The following RFX8 variants were observed in gnomAD, a reference collection of about 807,000 sequenced individuals.
RFX8 encodes DNA-binding protein RFX8.
RFX8 carries 46 observed loss-of-function variants against 54.6 expected under a neutral mutation model. The observed-to-expected ratio is 0.84, with a 90% CI of 0.67 to 1.08. The LOEUF is 1.08. Ranked by LOEUF, RFX8 falls within the 50% of genes least tolerant of loss-of-function variation. The pLI, the probability that RFX8 is intolerant of heterozygous loss-of-function variation, is 0.00. For missense variants in RFX8, 536 were observed against 562.3 expected, an observed-to-expected ratio of 0.95 and a Z score of 0.47; for synonymous variants, 192 against 209.5, an observed-to-expected ratio of 0.92 and a Z score of 0.72.
chr2:101,412,539 A>G (rs1686198740), intron 8 of RFX8, among the ~76,000 whole-genome samples: 1 of 152,204 alleles, frequency 6.6e-6, no homozygotes, highest in African/African-American at 2.4e-5. Flanking sequence ...GCAGTTTAGC[A>G]TGATTGAGGA....
chr2:101,474,438 C>G (rs1251819874), intron 1 of RFX8, 198 bp downstream of exon 1: 2 of 363,824 alleles, frequency 5.5e-6, no homozygotes, highest in Non-Finnish European at 9.8e-6. Flanking sequence ...CCTCCAGGCC[C>G]GAGCCCGGGG....
chr2:101,473,440 CA>C (rs1690122533), intron 1 of RFX8, among the ~76,000 whole-genome samples: 1 of 152,018 alleles, frequency 6.6e-6, no homozygotes, highest in African/African-American at 2.4e-5. Flanking sequence ...TAAGACATGT[CA>C]AAAATGTTCT....
chr2:101,397,819 G>T, intron 11 of RFX8, 95 bp from the exon 12 acceptor site: 1 of 1,042,018 alleles, frequency 9.6e-7, no homozygotes. Flanking sequence ...TACCAAGCCC[G>T]TGCTCCCACC....
intron 2 of RFX8, chr2:101,434,799 G>C (rs1266522278): frequency 6.6e-6 from 1 of 152,220 alleles, no homozygotes; most frequent in Non-Finnish European, 1.5e-5. Flanking sequence ...GGGTGGACAA[G>C]GCCAAAAAGC....
chr2:101,417,827 G>A (rs755023349), intron 5 of RFX8, 143 bp from the exon 6 acceptor site: 53 of 529,900 alleles, frequency 1.0e-4, no homozygotes, highest in South Asian at 1.8e-4. Flanking sequence ...ACCATGCAAC[G>A]TGGCCACTGC....
At chr2:101,466,723 G>A (rs1689592023) in intron 2 of RFX8, 54 bp downstream of exon 2, 7 of 1,254,988 alleles carry the variant, frequency 5.6e-6, no homozygotes, top group Middle Eastern at 1.8e-4. Context: ...CCAATAACTT[G>A]CTTCCCTTTT....
intron 6 of RFX8, 38 bp downstream of exon 6, chr2:101,417,496 G>T: frequency 6.5e-7 from 1 of 1,528,698 alleles, no homozygotes; most frequent in Non-Finnish European, 8.8e-7. Context: ...ATGAGCCACT[G>T]TGCCAGCCCA....
chr2:101,411,489 G>T (rs1686122496), intron 8 of RFX8, among the ~76,000 whole-genome samples: 1 of 25,392 alleles, frequency 3.9e-5, no homozygotes, highest in African/African-American at 1.4e-4. Flanking sequence ...AGTCTGGAAG[G>T]CACCGGGCGG....
At chr2:101,461,359 G>C (rs1266692619) in intron 2 of RFX8, among the ~76,000 whole-genome samples, 1 of 151,924 alleles carries the variant, frequency 6.6e-6, no homozygotes, top group Non-Finnish European at 1.5e-5. Flanking sequence ...CAGTATTAGA[G>C]GCTAGAAATT....
chr2:101,415,205 C>G (rs1287813458), intron 6 of RFX8, among the ~76,000 whole-genome samples: 1 of 152,128 alleles, frequency 6.6e-6, no homozygotes, highest in Non-Finnish European at 1.5e-5. Flanking sequence ...AACCTCACCC[C>G]CATTGTGATG....
chr2:101,449,723 G>C (rs546569738), intron 2 of RFX8, among the ~76,000 whole-genome samples: 35 of 152,232 alleles, frequency 2.3e-4, no homozygotes, highest in Non-Finnish European at 4.7e-4. Context: ...CAGTGAGAAG[G>C]ATTCAGGAGT....
intron 7 of RFX8, among the ~76,000 whole-genome samples, chr2:101,413,400 G>T (rs961136752): frequency 1.3e-5 from 2 of 152,164 alleles, no homozygotes; most frequent in African/African-American, 4.8e-5. Context: ...CTGCAAGGAA[G>T]GTGTAGGTAG....
chr2:101,413,656 T>C (rs1686302172), intron 7 of RFX8, among the ~76,000 whole-genome samples: 1 of 151,806 alleles, frequency 6.6e-6, no homozygotes, highest in Admixed American at 6.6e-5. Flanking sequence ...TCTTGGGGCG[T>C]GAAGTAACTT....
chr2:101,401,759 ACCT>A (rs1050269126), intron 11 of RFX8, among the ~76,000 whole-genome samples: 9 of 151,862 alleles, frequency 5.9e-5, no homozygotes, highest in Non-Finnish European at 1.2e-4. Flanking sequence ...GCATAAAACA[ACCT>A]CCTGTCTAGG....
chr2:101,446,640 G>C (rs1015973844), intron 2 of RFX8, among the ~76,000 whole-genome samples: 1 of 152,038 alleles, frequency 6.6e-6, no homozygotes, highest in Admixed American at 6.6e-5. Context: ...CCCCACAAAG[G>C]ACACTCCTAG....
In RFX8 at chr2:101,418,835, T is replaced by A. The variant is rs1370525569; in HGVS notation, c.351+16A>T. On this transcript the variant is annotated intron_variant, in intron 5 of 11. Coordinates refer to ENST00000428343, the MANE Select transcript of RFX8 (RefSeq NM_001145664.2). ...TCTGCAAAGGATATACTCTAGAGAC[T>A]CACGCGTCCTCCTACCTTGTACAGC... 1.4e-6 allele frequency: 2 copies of A among 1,480,562 alleles called. No homozygotes were observed. The highest frequency in any genetic ancestry group is 2.8e-5 in the African/African-American group (2 of 71,610). 91.7% of individuals were successfully genotyped at this position (1,480,562 alleles called of 1,614,324 possible). A position where few individuals can be genotyped will look rare whatever the true frequency, so the allele number is the denominator to read the frequency against.
intron 4 of RFX8, among the ~76,000 whole-genome samples, chr2:101,419,750 G>A (rs190651249): frequency 1.3e-5 from 2 of 152,330 alleles, no homozygotes; most frequent in East Asian, 1.9e-4. Flanking sequence ...GTCAACTCCC[G>A]AATTACATGG....
At chr2:101,412,332 G>A (rs768673473) in intron 8 of RFX8, among the ~76,000 whole-genome samples, 6 of 152,198 alleles carry the variant, frequency 3.9e-5, no homozygotes, top group East Asian at 1.9e-4. Flanking sequence ...AGCCAGCAAC[G>A]CAAGCTCTTT....
In RFX8 at chr2:101,472,169, T is replaced by C. The variant is rs549273231; in HGVS notation, c.-53+2467A>G. ...ACGCTGAAGCAGAGTGGCGCAATCT[T>C]GGTTCACTACAACCTCCACCTCCCA... is the stretch of plus-strand genomic sequence containing the variant. On this transcript the variant is annotated intron_variant, in intron 1 of 11. Transcript: ENST00000428343. Among the ~76,000 whole-genome samples the C allele has an allele frequency of 2.0e-5, 3 of 152,324 alleles. No individual in the cohort carries two copies. The South Asian group carries it at 6.2e-4, about 32-fold the overall frequency.
Sources: allele counts gnomAD v4.1 joint callset (sites outside exome capture counted in the v4.1 genomes callset), GRCh38; gene constraint gnomAD v4.1.1; transcripts MANE v1.5; gene names NCBI Gene and HGNC (gene_info 2026-07-23, HGNC 2026-07-21).